The following RFC1 variants were observed in gnomAD, a reference collection of about 807,000 sequenced individuals.
RFC1 encodes the protein A1 140 kDa subunit.
In RFC1, 37 loss-of-function variants were observed where a neutral mutation model predicts 137.4. The observed-to-expected ratio is 0.27, with a 90% CI of 0.21 to 0.35. The LOEUF (loss-of-function observed/expected upper bound fraction) is 0.35. Among genes scored for constraint, RFC1 ranks in the 10% least tolerant of loss-of-function variants. The pLI, the probability that RFC1 is intolerant of heterozygous loss-of-function variation, is 1.00. For missense variants in RFC1, 1,205 were observed against 1,358.5 expected (o/e 0.89, Z 1.78); for synonymous variants, 429 against 455.7 (o/e 0.94, Z 0.75).
At chr4:39,320,085 C>T (rs1220741064) in intron 9 of RFC1, among the ~76,000 whole-genome samples, 2 of 152,168 alleles carry the variant, frequency 1.3e-5, no homozygotes, top group African/African-American at 4.8e-5. Context: ...CGCGGTGGCT[C>T]ACACCTGTAA....
chr4:39,298,893 C>T (rs902780591), intron 21 of RFC1, among the ~76,000 whole-genome samples: 29 of 152,284 alleles, frequency 1.9e-4, no homozygotes, highest in African/African-American at 4.8e-4. Context: ...CCAAGGCGGG[C>T]GGATCACGAG....
At chr4:39,328,646 A>G (rs1739910910) in intron 4 of RFC1, among the ~76,000 whole-genome samples, 1 of 152,200 alleles carries the variant, frequency 6.6e-6, no homozygotes, top group African/African-American at 2.4e-5. Context: ...GGCGTGCCAG[A>G]AGAGTTCGGG....
intron 4 of RFC1, among the ~76,000 whole-genome samples, chr4:39,334,862 G>A (rs188240131): frequency 9.7e-4 from 147 of 152,284 alleles, no homozygotes; most frequent in African/African-American, 3.3e-3. Flanking sequence ...CCTACACACA[G>A]CAGAGGAATT....
At chr4:39,304,284 TG>T (rs1738521105) in intron 15 of RFC1, among the ~76,000 whole-genome samples, 1 of 152,208 alleles carries the variant, frequency 6.6e-6, no homozygotes. Context: ...ATTTGCACAC[TG>T]TCTTCTCTTT....
chr4:39,288,493 C>T lies in RFC1; in HGVS notation c.*268G>A. ...AAAGCCCAGGTGTAGTTTCTAGTTCCAATTCTACAGTCATTCAGAAGCACG... is the reference window on the plus strand; with the variant it reads ...AAAGCCCAGGTGTAGTTTCTAGTTCTAATTCTACAGTCATTCAGAAGCACG... On this transcript the variant is annotated 3_prime_UTR_variant, in exon 25 of 25. Transcript: ENST00000349703. 3.5e-6 allele frequency: 1 copy of T among 287,488 alleles called. No individual in the cohort carries two copies. 17.8% of individuals were successfully genotyped at this position (287,488 alleles called of 1,614,324 possible).
intron 4 of RFC1, among the ~76,000 whole-genome samples, chr4:39,337,239 C>T (rs544888123): frequency 4.6e-4 from 70 of 151,996 alleles, no homozygotes; most frequent in African/African-American, 1.4e-3. Context: ...CCAGGCATGG[C>T]GGTGCACGCC....
intron 21 of RFC1, among the ~76,000 whole-genome samples, chr4:39,297,063 G>A (rs1375899337): frequency 1.4e-5 from 2 of 146,204 alleles, no homozygotes; most frequent in Non-Finnish European, 3.0e-5. Flanking sequence ...TTTGAGAAGT[G>A]TCTGTTCATG....
intron 1 of RFC1, among the ~76,000 whole-genome samples, chr4:39,361,975 C>T (rs909776433): frequency 6.6e-6 from 1 of 152,010 alleles, no homozygotes; most frequent in Non-Finnish European, 1.5e-5. Flanking sequence ...GGAGGCGGAG[C>T]TTGCAGTGAG....
intron 23 of RFC1, 27 bp downstream of exon 23, chr4:39,291,612 G>A (rs776686550): frequency 9.9e-6 from 15 of 1,514,192 alleles, no homozygotes; most frequent in Admixed American, 5.0e-5. Context: ...AGAAAGTGAC[G>A]AAGAACCAGT....
chr4:39,321,474 C>A lies in RFC1; in HGVS notation c.721-100G>T, dbSNP rs920751398. 5.9e-6 allele frequency: 6 copies of A among 1,018,714 alleles called. No homozygotes were observed. In the African/African-American group the frequency reaches 9.6e-5, roughly 16 times the overall value. 63.1% of individuals were successfully genotyped at this position (1,018,714 alleles called of 1,614,324 possible). A position where few individuals can be genotyped will look rare whatever the true frequency, so the allele number is the denominator to read the frequency against. ...CATCAAAATTTTAAGGGTCACCTTT[C>A]AACTAGCAGGACACTACAATAAACT... On this transcript the variant is annotated intron_variant, in intron 7 of 24. Transcript: ENST00000349703.
intron 10 of RFC1, among the ~76,000 whole-genome samples, chr4:39,313,217 T>G (rs1739055079): frequency 6.6e-6 from 1 of 152,212 alleles, no homozygotes; most frequent in South Asian, 2.1e-4. Context: ...CTATTTTCCA[T>G]TATGCCCTCT....
chr4:39,300,524 G>A (rs1738298605), intron 19 of RFC1, 110 bp from the exon 20 acceptor site: 6 of 803,830 alleles, frequency 7.5e-6, no homozygotes, highest in South Asian at 1.7e-5. Context: ...ATTGCTGGTG[G>A]GAATGCAAAA....
intron 12 of RFC1, 129 bp from the exon 13 acceptor site, chr4:39,309,161 A>G (rs1738843143): frequency 2.3e-6 from 2 of 883,510 alleles, no homozygotes; most frequent in Admixed American, 6.4e-5. Context: ...TGGTCTTTTC[A>G]CAACAGACTT....
intron 1 of RFC1, among the ~76,000 whole-genome samples, chr4:39,362,950 C>T (rs1460358401): frequency 6.6e-6 from 1 of 152,184 alleles, no homozygotes; most frequent in Admixed American, 6.5e-5. Context: ...ATAATAAAGT[C>T]GAGCACTGCT....
chr4:39,290,012 T>C lies in RFC1; in HGVS notation c.3196A>G (p.Asn1066Asp). The change falls in exon 24 of 25, where the codon AAT becomes GAT. Residue 1066 changes from asparagine to aspartate, a missense_variant. Coordinates refer to ENST00000349703, the MANE Select transcript of RFC1 (RefSeq NM_002913.5). ...KVKAAFTRAY[N>D]KEAHLTPYSL... ...TATGGAGTAAGGTGGGCTTCCTTAT[T>C]GTAAGCTCTTGTGAAGGCTGCTTTC... The C allele has an allele frequency of 6.2e-7, 1 of 1,613,684 alleles. No homozygotes were observed. The highest frequency in any genetic ancestry group is 2.2e-5 in the East Asian group (1 of 44,868).
chr4:39,334,595 G>A (rs1235202562), intron 4 of RFC1, among the ~76,000 whole-genome samples: 1 of 152,064 alleles, frequency 6.6e-6, no homozygotes, highest in Non-Finnish European at 1.5e-5. Context: ...TTTCTAATAA[G>A]CTTAAATTGG....
At position 39,302,725 on chromosome 4, in the gene RFC1, C is replaced by T; in HGVS notation, c.2340+12G>A. On this transcript the variant is annotated intron_variant, in intron 17 of 24. Transcript: ENST00000349703. The stretch of plus-strand genomic sequence containing the variant: ...GGCTAGTGTGATGGAAAAAAAATTT[C>T]AATCATCATACCTTAATCTGTTCAA... 6.4e-7 allele frequency: 1 copy of T among 1,557,296 alleles called. No individual in the cohort carries two copies. The highest frequency in any genetic ancestry group is 1.4e-5 in the African/African-American group (1 of 72,246).
intron 4 of RFC1, among the ~76,000 whole-genome samples, chr4:39,339,576 T>C (rs1332408523): frequency 6.6e-6 from 1 of 152,178 alleles, no homozygotes; most frequent in Non-Finnish European, 1.5e-5. Flanking sequence ...CTTCACCCAT[T>C]TTTAAATTTG....
At chr4:39,310,848 A>T (rs113116267) in intron 12 of RFC1, among the ~76,000 whole-genome samples, 4 of 152,130 alleles carry the variant, frequency 2.6e-5, no homozygotes, top group African/African-American at 9.6e-5. Flanking sequence ...CATAAAGTCA[A>T]CGTGAGAATA....
Sources: gnomAD v4.1 joint callset for allele counts (sites outside exome capture counted in the v4.1 genomes callset) on GRCh38, gnomAD v4.1.1 for gene constraint, MANE v1.5 for transcripts, NCBI Gene and HGNC (gene_info 2026-07-23, HGNC 2026-07-21) for gene names.